The following GALNT13 variants were observed in gnomAD, a reference collection of about 807,000 sequenced individuals.
The protein encoded by GALNT13 is UDP-GalNAc:polypeptide N-acetylgalactosaminyltransferase 13.
Under a neutral mutation model 64.2 loss-of-function variants are expected in GALNT13, and 28 were observed. The ratio of observed to expected loss-of-function variants is 0.44; its 90% CI spans 0.32 to 0.60. The LOEUF is 0.60. Ranked by LOEUF, GALNT13 falls within the 20% of genes least tolerant of loss-of-function variation. The pLI, the probability that GALNT13 is intolerant of heterozygous loss-of-function variation, is 0.05. For missense variants in GALNT13, 577 were observed against 669.8 expected, an observed-to-expected ratio of 0.86 and a Z score of 1.53; for synonymous variants, 214 against 224.6, an observed-to-expected ratio of 0.95 and a Z score of 0.42.
At position 153,993,645 on chromosome 2, in the gene GALNT13, G is replaced by A. The variant is rs1342776651; in HGVS notation, c.142+49006G>A. Among the ~76,000 whole-genome samples the A allele has an allele frequency of 2.8e-5, 4 of 143,452 alleles. No homozygotes were observed. In the Admixed American group the frequency reaches 2.9e-4, roughly 10 times the overall value. The allele number at this position is 143,452 out of a possible 152,430, so 94.1% of individuals were successfully genotyped here. On this transcript the variant is annotated intron_variant, in intron 3 of 12. Transcript: ENST00000392825. Reference sequence around the variant, plus strand: ...TGGGAGGCGAAGCTTGCATTGAGCCGAGATCGTGCCACTGTACTTCAGCCT... The same window carrying A: ...TGGGAGGCGAAGCTTGCATTGAGCCAAGATCGTGCCACTGTACTTCAGCCT...
At chr2:154,027,226 C>T (rs756087958) in intron 3 of GALNT13, among the ~76,000 whole-genome samples, 20 of 152,142 alleles carry the variant, frequency 1.3e-4, no homozygotes, top group Non-Finnish European at 2.5e-4. Flanking sequence ...TCACCTCTTC[C>T]TTGTTCCTAG....
the GALNT13 span, among the ~76,000 whole-genome samples, chr2:153,266,618 A>G: frequency 6.6e-6 from 1 of 152,008 alleles, no homozygotes; most frequent in Admixed American, 6.5e-5. Flanking sequence ...GCCAATTTTA[A>G]GCCATCAGAT....
chr2:154,167,976 G>A (rs1196884868), intron 4 of GALNT13, among the ~76,000 whole-genome samples: 1 of 152,196 alleles, frequency 6.6e-6, no homozygotes, highest in African/African-American at 2.4e-5. Flanking sequence ...TTCACCCAGC[G>A]AAGTTGGAGT....
At chr2:154,051,807 T>C (rs997241161) in intron 3 of GALNT13, among the ~76,000 whole-genome samples, 34 of 152,214 alleles carry the variant, frequency 2.2e-4, no homozygotes, top group Non-Finnish European at 4.6e-4. Flanking sequence ...ATGTGAGCTA[T>C]ATGTTCTAAG....
chr2:153,382,860 T>A, the GALNT13 span, among the ~76,000 whole-genome samples: 1 of 152,052 alleles, frequency 6.6e-6, no homozygotes, highest in African/African-American at 2.4e-5. Flanking sequence ...CAATCAATGG[T>A]CAGTTAAAAA....
At chr2:153,593,772 A>AT in the GALNT13 span, among the ~76,000 whole-genome samples, 10 of 152,202 alleles carry the variant, frequency 6.6e-5, no homozygotes, top group Non-Finnish European at 1.3e-4. Context: ...AAATGTTTAC[A>AT]TTAAAATGTA....
chr2:153,192,305 C>T, the GALNT13 span, among the ~76,000 whole-genome samples: 62,240 of 151,738 alleles, frequency 0.41, 13,216 homozygotes, highest in East Asian at 0.73. Flanking sequence ...AGTGGTTGTT[C>T]GGGAGTATGT....
At chr2:154,442,620 A>G (rs1701356399) in intron 12 of GALNT13, among the ~76,000 whole-genome samples, 1 of 152,188 alleles carries the variant, frequency 6.6e-6, no homozygotes, top group Non-Finnish European at 1.5e-5. Flanking sequence ...AATTATTTTT[A>G]TAAAGTTCTG....
chr2:153,635,982 G>A, the GALNT13 span, among the ~76,000 whole-genome samples: 1 of 152,260 alleles, frequency 6.6e-6, no homozygotes, highest in South Asian at 2.1e-4. Flanking sequence ...CTTGAAGGAT[G>A]TATGTGTGTT....
At position 154,450,689 on chromosome 2, in the gene GALNT13, G is replaced by A. The variant is rs752420482; in HGVS notation, c.*138G>A. 30 of 784,078 alleles carry A rather than the reference G, an allele frequency of 3.8e-5. No homozygotes were observed. Among genetic ancestry groups the A allele is most frequent in the Non-Finnish European group, 5.1e-5 (27 of 527,626 alleles). The allele number at this position is 784,078 out of a possible 1,614,324, so 48.6% of individuals were successfully genotyped here. On this transcript the variant is annotated 3_prime_UTR_variant, in exon 13 of 13. Transcript: ENST00000392825. The stretch of plus-strand genomic sequence containing the variant: ...TCTAAAACACAATTGTTTCTAATTC[G>A]TTTCTAGAAATGTTTGCTTATTTCC...
chr2:153,375,767 G>A, the GALNT13 span, among the ~76,000 whole-genome samples: 3 of 152,078 alleles, frequency 2.0e-5, no homozygotes, highest in Non-Finnish European at 4.4e-5. Context: ...GAGTCCCCAG[G>A]TTCAAGTCTG....
At chr2:153,343,123 T>C in the GALNT13 span, among the ~76,000 whole-genome samples, 1 of 152,200 alleles carries the variant, frequency 6.6e-6, no homozygotes, top group East Asian at 1.9e-4. Context: ...AATGACTGAA[T>C]GACTTTAGGT....
At chr2:153,302,068 A>C in the GALNT13 span, among the ~76,000 whole-genome samples, 1 of 152,254 alleles carries the variant, frequency 6.6e-6, no homozygotes, top group East Asian at 1.9e-4. Context: ...ATACTCAGTA[A>C]TGGTAAACCT....
chr2:153,348,749 A>C, the GALNT13 span, among the ~76,000 whole-genome samples: 154 of 152,338 alleles, frequency 1.0e-3, no homozygotes, highest in African/African-American at 3.6e-3. Context: ...TTATTTTAAC[A>C]AAATAGACAT....
chr2:153,501,517 A>G, the GALNT13 span, among the ~76,000 whole-genome samples: 1 of 152,044 alleles, frequency 6.6e-6, no homozygotes, highest in African/African-American at 2.4e-5. Flanking sequence ...TTTTTGGTAG[A>G]GACAAGGTTT....
At chr2:153,416,862 G>A in the GALNT13 span, among the ~76,000 whole-genome samples, 1 of 152,156 alleles carries the variant, frequency 6.6e-6, no homozygotes, top group African/African-American at 2.4e-5. Flanking sequence ...TCCAACTTTT[G>A]TAGCACCTGA....
chr2:153,293,676 T>G, the GALNT13 span, among the ~76,000 whole-genome samples: 1 of 152,174 alleles, frequency 6.6e-6, no homozygotes, highest in East Asian at 1.9e-4. Context: ...GAAACCAGTA[T>G]GGATATCCGT....
intron 8 of GALNT13, among the ~76,000 whole-genome samples, chr2:154,285,760 T>G (rs898543353): frequency 2.6e-5 from 4 of 152,188 alleles, no homozygotes; most frequent in Non-Finnish European, 5.9e-5. Context: ...AAAATAACAT[T>G]GCAATTTTGA....
the GALNT13 span, among the ~76,000 whole-genome samples, chr2:153,699,914 A>G: frequency 3.2e-4 from 48 of 152,326 alleles, no homozygotes; most frequent in African/African-American, 1.1e-3. Flanking sequence ...CCAGAGGTAT[A>G]AGGAGGAGCC....
Sources: allele counts gnomAD v4.1 joint callset (sites outside exome capture counted in the v4.1 genomes callset), GRCh38; gene constraint gnomAD v4.1.1; transcripts MANE v1.5; gene names NCBI Gene and HGNC (gene_info 2026-07-23, HGNC 2026-07-21).